The following CCDC171 variants were observed in gnomAD, a reference collection of about 807,000 sequenced individuals.
The protein encoded by CCDC171 is coiled-coil domain-containing protein 171.
In CCDC171, 177 loss-of-function variants were observed where a neutral mutation model predicts 168.2. The observed-to-expected ratio is 1.05, with a 90% CI of 0.93 to 1.19. The LOEUF (loss-of-function observed/expected upper bound fraction) is 1.19, where lower values mean the gene tolerates loss of function less well. CCDC171 is among the 50% of genes most tolerant of loss of function. The probability of loss-of-function intolerance (pLI) is 0.00; values close to 1 mark genes in which losing one functional copy is unlikely to be tolerated. For missense variants in CCDC171, 1,991 were observed against 1,539.0 expected, an observed-to-expected ratio of 1.29 and a Z score of -4.91; for synonymous variants, 687 against 540.8, an observed-to-expected ratio of 1.27 and a Z score of -3.75.
intron 6 of CCDC171, among the ~76,000 whole-genome samples, chr9:15,617,236 G>A (rs1429911041): frequency 2.6e-5 from 4 of 152,194 alleles, no homozygotes; most frequent in East Asian, 1.9e-4. Flanking sequence ...TGCTGGAGAG[G>A]TGTTGCGATC....
intron 16 of CCDC171, among the ~76,000 whole-genome samples, chr9:15,743,863 A>G (rs2055070302): frequency 1.3e-5 from 2 of 152,232 alleles, no homozygotes; most frequent in African/African-American, 2.4e-5. Flanking sequence ...TTTTACATCT[A>G]GGAAACCCTC....
the CCDC171 span, among the ~76,000 whole-genome samples, chr9:16,107,824 T>G: frequency 2.2e-4 from 33 of 152,310 alleles, no homozygotes; most frequent in African/African-American, 7.9e-4. Flanking sequence ...TTAATCATTT[T>G]CGGAGACTGA....
At chr9:15,577,168 G>A (rs1344979813) in intron 3 of CCDC171, among the ~76,000 whole-genome samples, 1 of 152,138 alleles carries the variant, frequency 6.6e-6, no homozygotes, top group African/African-American at 2.4e-5. Context: ...TAGATTTCCA[G>A]GTTTGTTCAT....
intron 23 of CCDC171, among the ~76,000 whole-genome samples, chr9:15,857,054 G>T (rs913854234): frequency 6.6e-6 from 1 of 151,880 alleles, no homozygotes; most frequent in Non-Finnish European, 1.5e-5. Context: ...TTAAAATGAG[G>T]TTATTAGTTT....
chr9:15,590,826 T>TTTCTTTCTTTCC (rs2041951011), intron 4 of CCDC171, among the ~76,000 whole-genome samples: 1 of 148,614 alleles, frequency 6.7e-6, no homozygotes, highest in Non-Finnish European at 1.5e-5. Flanking sequence ...TCTTTCTTTC[T>TTTCTTTCTTTCC]TTCTTTCTTC....
At chr9:15,888,963 T>TTC (rs1451239310) in intron 24 of CCDC171, 1 of 138,068 alleles carries the variant, frequency 7.2e-6, no homozygotes, top group East Asian at 2.1e-4. Context: ...TTTTTTTTTT[T>TTC]TTTTTTTTTT....
chr9:15,832,102 G>A lies in CCDC171; in HGVS notation c.3268-14600G>A, dbSNP rs568803577. Among the ~76,000 whole-genome samples the A allele has an allele frequency of 2.0e-5, 3 of 152,128 alleles. No homozygotes were observed. In the South Asian group the frequency reaches 6.2e-4, roughly 32 times the overall value. ...TTTCAACTCAATCAACTTTTCCCAT[G>A]ATCTTCTTTTTCTTTTTGTTTTAAA... On this transcript the variant is annotated intron_variant, in intron 21 of 25. Transcript: ENST00000380701.
At chr9:15,714,881 G>A (rs2052961466) in intron 11 of CCDC171, among the ~76,000 whole-genome samples, 2 of 152,114 alleles carry the variant, frequency 1.3e-5, no homozygotes, top group African/African-American at 4.8e-5. Flanking sequence ...TTGGTTCTAG[G>A]AACACCATGA....
At chr9:16,071,309 G>A in the CCDC171 span, among the ~76,000 whole-genome samples, 1 of 152,108 alleles carries the variant, frequency 6.6e-6, no homozygotes, top group East Asian at 1.9e-4. Flanking sequence ...CCAGCATTGT[G>A]GCTATGTGTC....
chr9:15,848,815 C>A, intron 22 of CCDC171, 78 bp from the exon 23 acceptor site: 3 of 700,258 alleles, frequency 4.3e-6, no homozygotes, highest in South Asian at 2.0e-5. Context: ...TTTTTAATAC[C>A]AGTGACTTAT....
At chr9:15,699,376 T>C (rs1170119263) in intron 11 of CCDC171, among the ~76,000 whole-genome samples, 1 of 152,082 alleles carries the variant, frequency 6.6e-6, no homozygotes, top group Admixed American at 6.5e-5. Context: ...GCAAGATTTA[T>C]TGCAAAGAGT....
chr9:15,706,228 C>CCTTCCTTG (rs2052214573), intron 11 of CCDC171, among the ~76,000 whole-genome samples: 1 of 150,846 alleles, frequency 6.6e-6, no homozygotes, highest in East Asian at 2.0e-4. Context: ...TTCCTTCCTT[C>CCTTCCTTG]CTTCCTTCCT....
At chr9:16,044,734 C>T (rs1468770366) in intron 1 of CCDC171, among the ~76,000 whole-genome samples, 4 of 152,156 alleles carry the variant, frequency 2.6e-5, no homozygotes, top group East Asian at 3.9e-4. Flanking sequence ...GCCTCATGCA[C>T]TCCCTGCAAT....
At chr9:15,560,712 G>A (rs1276825688) in intron 1 of CCDC171, among the ~76,000 whole-genome samples, 1 of 152,162 alleles carries the variant, frequency 6.6e-6, no homozygotes, top group East Asian at 1.9e-4. Context: ...ATTACCCATC[G>A]TCTGAAGCCT....
chr9:15,993,730 A>G (rs1351360853), intron 3 of CCDC171, among the ~76,000 whole-genome samples: 2 of 152,206 alleles, frequency 1.3e-5, no homozygotes. Context: ...TCTACAAAGA[A>G]CTCAAACAAA....
At chr9:15,892,736 A>T (rs1820386842) in intron 24 of CCDC171, among the ~76,000 whole-genome samples, 1 of 152,142 alleles carries the variant, frequency 6.6e-6, no homozygotes, top group South Asian at 2.1e-4. Context: ...AAGGGAAGGG[A>T]AGGACCTCTT....
At chr9:16,097,010 A>G in the CCDC171 span, among the ~76,000 whole-genome samples, 1 of 152,194 alleles carries the variant, frequency 6.6e-6, no homozygotes, top group Non-Finnish European at 1.5e-5. Flanking sequence ...GAAATTCGGA[A>G]AGAAGAAGAG....
At chr9:15,791,066 T>A (rs1317648793) in intron 21 of CCDC171, among the ~76,000 whole-genome samples, 3 of 152,188 alleles carry the variant, frequency 2.0e-5, no homozygotes, top group South Asian at 2.1e-4. Flanking sequence ...CTTAGGATTG[T>A]CTTGGCGATG....
At chr9:15,924,133 C>G (rs1825646062) in intron 25 of CCDC171, among the ~76,000 whole-genome samples, 1 of 151,424 alleles carries the variant, frequency 6.6e-6, no homozygotes, top group African/African-American at 2.4e-5. Context: ...TCTAAAGAAG[C>G]TCCAAACAGA....
Sources: gnomAD v4.1 joint callset for allele counts (sites outside exome capture counted in the v4.1 genomes callset) on GRCh38, gnomAD v4.1.1 for gene constraint, MANE v1.5 for transcripts, NCBI Gene and HGNC (gene_info 2026-07-23, HGNC 2026-07-21) for gene names.